CAPN8: variants seen among roughly 807,000 people sequenced by gnomAD.
The protein encoded by CAPN8 is calpain 8, also known as calpain-8.
Under a neutral mutation model 80.9 loss-of-function variants are expected in CAPN8, and 87 were observed. The observed-to-expected ratio is 1.07, with a 90% CI of 0.90 to 1.28. The LOEUF is 1.28. Ranked by LOEUF, CAPN8 falls within the 50% of genes most tolerant of loss-of-function variation. The pLI is 0.00. For synonymous variants in CAPN8, 299 were observed against 273.8 expected (o/e 1.09, Z -0.91); for missense variants, 757 against 702.0 (o/e 1.08, Z -0.89).
At chr1:223,648,421 T>C (rs996861138) in intron 2 of CAPN8, among the ~76,000 whole-genome samples, 1 of 152,212 alleles carries the variant, frequency 6.6e-6, no homozygotes, top group African/African-American at 2.4e-5. Context: ...AAGGATCTGC[T>C]CAGTCCTAGT....
intron 2 of CAPN8, among the ~76,000 whole-genome samples, chr1:223,651,737 TA>T (rs1658347829): frequency 6.6e-6 from 1 of 152,256 alleles, no homozygotes; most frequent in South Asian, 2.1e-4. Flanking sequence ...CGACAGAGTG[TA>T]ACACTTGGAA....
At chr1:223,624,624 G>A (rs1657509025) in intron 6 of CAPN8, among the ~76,000 whole-genome samples, 2 of 152,012 alleles carry the variant, frequency 1.3e-5, no homozygotes, top group African/African-American at 4.8e-5. Context: ...TGAAGCAGGA[G>A]GGTCACTTGA....
At chr1:223,658,760 C>T (rs548850025) in intron 1 of CAPN8, among the ~76,000 whole-genome samples, 39 of 152,120 alleles carry the variant, frequency 2.6e-4, no homozygotes, top group Non-Finnish European at 1.9e-4. Context: ...GAGCCAAGAT[C>T]GCGCCACCGC....
chr1:223,554,880 G>T (rs1033714928), intron 13 of CAPN8, among the ~76,000 whole-genome samples: 4 of 152,218 alleles, frequency 2.6e-5, no homozygotes, highest in Non-Finnish European at 1.5e-5. Flanking sequence ...GAATGCTTCT[G>T]TCCAGAGACT....
At chr1:223,634,303 G>A (rs1165919740) in intron 2 of CAPN8, among the ~76,000 whole-genome samples, 2 of 152,134 alleles carry the variant, frequency 1.3e-5, no homozygotes, top group Admixed American at 1.3e-4. Flanking sequence ...GAGTCAGCCA[G>A]GAAAGGTCCA....
chr1:223,552,316 C>T (rs1205552936), intron 14 of CAPN8, among the ~76,000 whole-genome samples: 1 of 152,142 alleles, frequency 6.6e-6, no homozygotes, highest in Non-Finnish European at 1.5e-5. Flanking sequence ...GTAATCCCAG[C>T]ACTTTGGGAG....
chr1:223,616,713 G>C (rs1657201425), intron 9 of CAPN8, among the ~76,000 whole-genome samples: 1 of 152,180 alleles, frequency 6.6e-6, no homozygotes, highest in Admixed American at 6.5e-5. Flanking sequence ...GCAGAGCACA[G>C]CCTGCGGCAC....
rs185373505 is a variant in CAPN8 at position 223,549,718 on chromosome 1, A to G, written c.1700-336T>C. On this transcript the variant is annotated intron_variant, in intron 15 of 20. Coordinates refer to ENST00000366872, the MANE Select transcript of CAPN8 (RefSeq NM_001143962.2). Reference sequence around the variant, plus strand: ...AATAATCATGATAGTAACAATGACCATACTTGCCCCAAAGACTGGCTGGGT... The same window carrying G: ...AATAATCATGATAGTAACAATGACCGTACTTGCCCCAAAGACTGGCTGGGT... Among the ~76,000 whole-genome samples, 3 of 152,368 alleles carry G rather than the reference A, an allele frequency of 2.0e-5. No individual in the cohort carries two copies. The East Asian group carries it at 5.8e-4, about 29-fold the overall frequency.
chr1:223,554,595 A>AG (rs1656865193), intron 13 of CAPN8, among the ~76,000 whole-genome samples: 1 of 152,110 alleles, frequency 6.6e-6, no homozygotes, highest in Non-Finnish European at 1.5e-5. Flanking sequence ...ATCAGAAAAA[A>AG]AAAACATTTT....
chr1:223,630,447 C>T (rs1657742767), intron 2 of CAPN8, among the ~76,000 whole-genome samples: 1 of 152,094 alleles, frequency 6.6e-6, no homozygotes, highest in Non-Finnish European at 1.5e-5. Context: ...AGCAATTCTC[C>T]CACCTCAGCC....
Position 223,541,703 on chromosome 1 carries a change from T to C in CAPN8, c.*133A>G, listed in dbSNP as rs986844694. The C allele has an allele frequency of 7.0e-7, 1 of 1,425,558 alleles. No individual in the cohort carries two copies. Among genetic ancestry groups the C allele is most frequent in the African/African-American group, 1.4e-5 (1 of 70,762 alleles). The allele number at this position is 1,425,558 out of a possible 1,614,324, so 88.3% of individuals were successfully genotyped here. A position where few individuals can be genotyped will look rare whatever the true frequency, so the allele number is the denominator to read the frequency against. ...AGCTCATAGCTCAGTGCTGCTGAAA[T>C]AGACCCAGGGCAAGAAAGGTATGAA... On this transcript the variant is annotated 3_prime_UTR_variant, in exon 21 of 21. Transcript: ENST00000366872.
intron 2 of CAPN8, among the ~76,000 whole-genome samples, chr1:223,633,013 G>A (rs1018914416): frequency 1.3e-5 from 2 of 152,204 alleles, no homozygotes; most frequent in African/African-American, 4.8e-5. Flanking sequence ...GCAGGTGCAA[G>A]ATGAAGGTCA....
chr1:223,653,721 C>T (rs1445661167), intron 2 of CAPN8, among the ~76,000 whole-genome samples: 1 of 152,100 alleles, frequency 6.6e-6, no homozygotes, highest in African/African-American at 2.4e-5. Flanking sequence ...ATCAATAAAG[C>T]TCATCTGCCA....
At chr1:223,649,530 C>G (rs1172794702) in intron 2 of CAPN8, among the ~76,000 whole-genome samples, 2 of 152,176 alleles carry the variant, frequency 1.3e-5, no homozygotes, top group Non-Finnish European at 2.9e-5. Context: ...AATGTACCCA[C>G]CCAGCAGTGT....
chr1:223,558,014 CCTAA>C, intron 13 of CAPN8, 113 bp downstream of exon 13: 1 of 395,790 alleles, frequency 2.5e-6, no homozygotes, highest in East Asian at 3.6e-5. Flanking sequence ...ATGTTGTGGC[CCTAA>C]CTAATAAGAA....
In CAPN8 at chr1:223,646,770, C is replaced by T. The variant is rs73127606; in HGVS notation, c.307+7560G>A. 5.5e-3 allele frequency among the ~76,000 whole-genome samples: 838 copies of T among 152,266 alleles called. 10 individuals carry two copies. The highest frequency in any genetic ancestry group is 0.018 in the African/African-American group (745 of 41,548). On this transcript the variant is annotated intron_variant, in intron 2 of 20. Coordinates refer to ENST00000366872, the MANE Select transcript of CAPN8 (RefSeq NM_001143962.2). Reference sequence around the variant, plus strand: ...GAGAAATTGTCCTTAGGCCCTGGGACGATGTCTGCAAAACTGAAGCCACAG... The same window carrying T: ...GAGAAATTGTCCTTAGGCCCTGGGATGATGTCTGCAAAACTGAAGCCACAG...
chr1:223,545,857 T>C (rs1477004003), intron 16 of CAPN8, among the ~76,000 whole-genome samples: 2 of 140,216 alleles, frequency 1.4e-5, no homozygotes, highest in Admixed American at 7.6e-5. Flanking sequence ...ACGGAGTCTC[T>C]CTGTCGCCCA....
Position 223,656,686 on chromosome 1 carries a change from T to TTTG in CAPN8, c.238-2288_238-2287insCAA, listed in dbSNP as rs1553340195. On this transcript the variant is annotated intron_variant, in intron 1 of 20. Transcript: ENST00000366872. ...GTTTTGGGTTTTTTTGTTTTGTTTT[T>TTTG]TTTTTTTTTTTTTTTGAGACGGGGT... Among the ~76,000 whole-genome samples the TTTG allele has an allele frequency of 3.0e-5, 4 of 132,814 alleles. 1 individual carries two copies. The highest frequency in any genetic ancestry group is 8.4e-5 in the African/African-American group (3 of 35,640). The allele number at this position is 132,814 out of a possible 152,430, so 87.1% of individuals were successfully genotyped here.
At chr1:223,634,290 G>T (rs1175551891) in intron 2 of CAPN8, among the ~76,000 whole-genome samples, 1 of 152,160 alleles carries the variant, frequency 6.6e-6, no homozygotes, top group African/African-American at 2.4e-5. Flanking sequence ...CTCAGGTGGG[G>T]CTGAGTCAGC....
Sources: gnomAD v4.1 joint callset for allele counts (sites outside exome capture counted in the v4.1 genomes callset) on GRCh38, gnomAD v4.1.1 for gene constraint, MANE v1.5 for transcripts, NCBI Gene and HGNC (gene_info 2026-07-23, HGNC 2026-07-21) for gene names.